The following OTUD3 variants were observed in gnomAD, a reference collection of about 807,000 sequenced individuals.
OTUD3 encodes OTU deubiquitinase 3.
OTUD3 carries 24 observed loss-of-function variants against 46.2 expected under a neutral mutation model. That is an observed-to-expected ratio of 0.52 (90% CI 0.38 to 0.73). The LOEUF is 0.73. OTUD3 is among the 30% of genes least tolerant of loss of function. The probability of loss-of-function intolerance (pLI) is 0.00; values close to 1 mark genes in which losing one functional copy is unlikely to be tolerated. For synonymous variants in OTUD3, 189 were observed against 195.4 expected, an observed-to-expected ratio of 0.97 and a Z score of 0.27; for missense variants, 455 against 523.3, an observed-to-expected ratio of 0.87 and a Z score of 1.27.
Position 19,907,692 on chromosome 1 carries a change from A to G in OTUD3, c.1143A>G (p.Ala381=). The G allele has an allele frequency of 6.2e-7, 1 of 1,614,276 alleles. No individual in the cohort carries two copies. Among genetic ancestry groups the G allele is most frequent in the Non-Finnish European group, 8.5e-7 (1 of 1,180,046 alleles). Residue 381 remains alanine, a synonymous_variant, in exon 8 of 8, where the codon GCA becomes GCG. Coordinates refer to ENST00000375120, the MANE Select transcript of OTUD3 (RefSeq NM_015207.2). ...ACAGGGACAATAACAGAAGCGAAGC[A>G]GAGGCGAACACGCAGGTCACCTTGG... ...GSHRDNNRSE[A]EANTQVTLVK...
At chr1:19,896,101 A>G (rs1275817793) in intron 3 of OTUD3, among the ~76,000 whole-genome samples, 2 of 152,138 alleles carry the variant, frequency 1.3e-5, no homozygotes, top group Non-Finnish European at 2.9e-5. Flanking sequence ...TTCCTACCCC[A>G]GTGAAGCATC....
chr1:19,890,160 A>T (rs116765833), intron 1 of OTUD3, among the ~76,000 whole-genome samples: 1 of 152,298 alleles, frequency 6.6e-6, no homozygotes, highest in East Asian at 1.9e-4. Context: ...CAGCTGGTAC[A>T]TGGGGAATAG....
chr1:19,882,697 GC>G lies in OTUD3; in HGVS notation c.187del (p.Leu63TrpfsTer3). 1 of 1,430,328 alleles carries G rather than the reference GC, an allele frequency of 7.0e-7. No individual in the cohort carries two copies. Among genetic ancestry groups the G allele is most frequent in the Non-Finnish European group, 9.2e-7 (1 of 1,091,698 alleles). The allele number at this position is 1,430,328 out of a possible 1,614,324, so 88.6% of individuals were successfully genotyped here. A position where few individuals can be genotyped will look rare whatever the true frequency, so the allele number is the denominator to read the frequency against. Reference protein sequence around the residue: ...EFVSFANQLQALGLKLREVPG... With the variant: ...EFVSFANQLQXLGLKLREVPG... ...CGTCAGCTTCGCCAACCAGCTGCAG[GC>G]CCTGGGGCTGAAGCTGCGGGAGGTG... On this transcript the variant is annotated frameshift_variant, in exon 1 of 8. Transcript: ENST00000375120. LOFTEE classifies it high-confidence loss of function.
At position 19,907,485 on chromosome 1, in the gene OTUD3, T is replaced by C. The variant is rs376094786; in HGVS notation, c.1021-85T>C. ...CCTGTTCCTGCTGAAAAGCAATCTGTGCCCTTTGCCACCATCTCCCTTCTA... is the reference window on the plus strand; with the variant it reads ...CCTGTTCCTGCTGAAAAGCAATCTGCGCCCTTTGCCACCATCTCCCTTCTA... On this transcript the variant is annotated intron_variant, in intron 7 of 7. Coordinates refer to ENST00000375120, the MANE Select transcript of OTUD3 (RefSeq NM_015207.2). The C allele has an allele frequency of 3.8e-4, 498 of 1,318,466 alleles. 7 individuals carry two copies. In the South Asian group the frequency reaches 6.3e-3, roughly 17 times the overall value. 81.7% of individuals were successfully genotyped at this position (1,318,466 alleles called of 1,614,324 possible). A position where few individuals can be genotyped will look rare whatever the true frequency, so the allele number is the denominator to read the frequency against.
At chr1:19,885,096 C>T (rs1306799796) in intron 1 of OTUD3, among the ~76,000 whole-genome samples, 3 of 151,890 alleles carry the variant, frequency 2.0e-5, no homozygotes, top group African/African-American at 4.8e-5. Flanking sequence ...GGCACAAGGA[C>T]ACGATGTTTT....
At chr1:19,898,813 A>G (rs1393277982) in intron 4 of OTUD3, among the ~76,000 whole-genome samples, 3 of 151,860 alleles carry the variant, frequency 2.0e-5, no homozygotes, top group Admixed American at 6.6e-5. Flanking sequence ...TTTTTAAACA[A>G]TTTTATTTAT....
Position 19,904,255 on chromosome 1 carries a change from T to C in OTUD3, c.607-12T>C. On this transcript the variant is annotated splice_polypyrimidine_tract_variant and intron_variant, in intron 4 of 7. Coordinates refer to ENST00000375120, the MANE Select transcript of OTUD3 (RefSeq NM_015207.2). ...TCAACATAGTTCCCTGATTATTACTTGTTTCCTTTAGTTTCAGATGCTTCA... is the reference window on the plus strand; with the variant it reads ...TCAACATAGTTCCCTGATTATTACTCGTTTCCTTTAGTTTCAGATGCTTCA... The C allele has an allele frequency of 6.3e-7, 1 of 1,583,540 alleles. No homozygotes were observed. The highest frequency in any genetic ancestry group is 8.6e-7 in the Non-Finnish European group (1 of 1,165,950).
chr1:19,889,388 A>G (rs2045416861), intron 1 of OTUD3, among the ~76,000 whole-genome samples: 1 of 152,046 alleles, frequency 6.6e-6, no homozygotes, highest in Non-Finnish European at 1.5e-5. Flanking sequence ...GAAAAACAAA[A>G]CCCCCTTTTT....
intron 1 of OTUD3, among the ~76,000 whole-genome samples, chr1:19,885,505 G>A (rs1365511173): frequency 6.6e-6 from 1 of 152,216 alleles, no homozygotes; most frequent in Non-Finnish European, 1.5e-5. Flanking sequence ...CCAGGCTGGA[G>A]TGCAGTGGCA....
At chr1:19,885,376 T>C (rs1324965143) in intron 1 of OTUD3, among the ~76,000 whole-genome samples, 1 of 152,194 alleles carries the variant, frequency 6.6e-6, no homozygotes, top group African/African-American at 2.4e-5. Context: ...CCTAGTCCTT[T>C]CGAATGTGGT....
At chr1:19,891,613 A>AGAGG (rs1320604914) in intron 2 of OTUD3, among the ~76,000 whole-genome samples, 1 of 152,150 alleles carries the variant, frequency 6.6e-6, no homozygotes, top group African/African-American at 2.4e-5. Context: ...TGAGGAGGGG[A>AGAGG]GAGGGAGGAG....
At chr1:19,904,469 G>A (rs548584412) in intron 5 of OTUD3, 71 bp downstream of exon 5, 221 of 1,426,644 alleles carry the variant, frequency 1.5e-4, no homozygotes, top group African/African-American at 2.1e-4. Context: ...TCTTAGTTTC[G>A]TAGCACCTCT....
Position 19,912,714 on chromosome 1 carries a change from A to G in OTUD3, c.*4968A>G, listed in dbSNP as rs1232187410. 1.3e-5 allele frequency: 2 copies of G among 152,388 alleles called. No homozygotes were observed. The highest frequency in any genetic ancestry group is 2.9e-5 in the Non-Finnish European group (2 of 68,054). The allele number at this position is 152,388 out of a possible 1,614,324, so 9.4% of individuals were successfully genotyped here. A position where few individuals can be genotyped will look rare whatever the true frequency, so the allele number is the denominator to read the frequency against. The stretch of plus-strand genomic sequence containing the variant: ...GAATTGTGACCATTGTCTGATGTCC[A>G]TAGTTCCTTCCCCCTAGATTGTTTC... On this transcript the variant is annotated 3_prime_UTR_variant, in exon 8 of 8. Transcript: ENST00000375120.
Position 19,910,212 on chromosome 1 carries a change from CTT to C in OTUD3, c.*2468_*2469del, listed in dbSNP as rs1384975589. On this transcript the variant is annotated 3_prime_UTR_variant, in exon 8 of 8. Transcript: ENST00000375120. ...TCTAGTACAGGTGCTCCTGTGAACTCTTTATTAGGAACTGAATGTGTCTTAAC... is the reference window on the plus strand; with the variant it reads ...TCTAGTACAGGTGCTCCTGTGAACTCTATTAGGAACTGAATGTGTCTTAAC... 1 of 152,416 alleles carries C rather than the reference CTT, an allele frequency of 6.6e-6. No homozygotes were observed. The highest frequency in any genetic ancestry group is 1.5e-5 in the Non-Finnish European group (1 of 68,028). The allele number at this position is 152,416 out of a possible 1,614,324, so 9.4% of individuals were successfully genotyped here. A position where few individuals can be genotyped will look rare whatever the true frequency, so the allele number is the denominator to read the frequency against.
intron 1 of OTUD3, among the ~76,000 whole-genome samples, 165 bp downstream of exon 1, chr1:19,882,899 G>A (rs2045291989): frequency 6.6e-6 from 1 of 152,236 alleles, no homozygotes; most frequent in Non-Finnish European, 1.5e-5. Context: ...CGAGTGAGGC[G>A]GACAAGCCCC....
At chr1:19,906,909 T>A (rs950418444) in intron 7 of OTUD3, 3 of 226,930 alleles carry the variant, frequency 1.3e-5, no homozygotes, top group African/African-American at 6.8e-5. Context: ...CCCATGTTTA[T>A]CCATGTTTTT....
At chr1:19,893,442 C>G (rs1427120908) in intron 2 of OTUD3, among the ~76,000 whole-genome samples, 2 of 152,194 alleles carry the variant, frequency 1.3e-5, no homozygotes, top group African/African-American at 4.8e-5. Context: ...GTCCTCAGGG[C>G]ATATTCTCCT....
intron 4 of OTUD3, among the ~76,000 whole-genome samples, chr1:19,900,946 C>CTTGCTCTG (rs2045580806): frequency 8.8e-6 from 1 of 114,032 alleles, no homozygotes; most frequent in South Asian, 3.0e-4. Context: ...GAGACAGAGT[C>CTTGCTCTG]TTGCTCTGTT....
At chr1:19,888,528 A>G (rs1440819632) in intron 1 of OTUD3, among the ~76,000 whole-genome samples, 1 of 152,228 alleles carries the variant, frequency 6.6e-6, no homozygotes. Context: ...AAATGTAACA[A>G]TTAAAACTCT....
Sources: allele counts gnomAD v4.1 joint callset (sites outside exome capture counted in the v4.1 genomes callset), GRCh38; gene constraint gnomAD v4.1.1; transcripts MANE v1.5; gene names NCBI Gene and HGNC (gene_info 2026-07-23, HGNC 2026-07-21).